The following JAKMIP3 variants were observed in gnomAD, a reference collection of about 807,000 sequenced individuals.
The protein encoded by JAKMIP3 is janus kinase and microtubule-interacting protein 3.
In JAKMIP3, 58 loss-of-function variants were observed where a neutral mutation model predicts 118.5. The ratio of observed to expected loss-of-function variants is 0.49; its 90% CI spans 0.40 to 0.61. The LOEUF is 0.61. Ranked by LOEUF, JAKMIP3 falls within the 20% of genes least tolerant of loss-of-function variation. JAKMIP3 has a pLI of 0.00. For synonymous variants in JAKMIP3, 486 were observed against 451.2 expected, an observed-to-expected ratio of 1.08 and a Z score of -0.98; for missense variants, 950 against 1,109.0, an observed-to-expected ratio of 0.86 and a Z score of 2.04.
chr10:132,126,699 G>C (rs112186110), intron 3 of JAKMIP3, among the ~76,000 whole-genome samples: 2,853 of 152,192 alleles, frequency 0.019, 74 homozygotes, highest in African/African-American at 0.064. Context: ...TTTCATGAAT[G>C]GTTATGGAAT....
At chr10:132,130,429 G>A (rs1187562757) in intron 3 of JAKMIP3, among the ~76,000 whole-genome samples, 1 of 152,234 alleles carries the variant, frequency 6.6e-6, no homozygotes, top group Non-Finnish European at 1.5e-5. Context: ...GCATTCGTGT[G>A]CTCACGTCAC....
rs553935481 is a variant in JAKMIP3 at position 132,138,195 on chromosome 10, C to T, written c.1344+17C>T. 37 of 1,601,478 alleles carry T rather than the reference C, an allele frequency of 2.3e-5. No homozygotes were observed. In the South Asian group the frequency reaches 3.2e-4, roughly 14 times the overall value. ...CTTCCCAAGGTAAGGAACAGCACAC[C>T]GGCACGTGCGGAGAGTACGCCGGGT... On this transcript the variant is annotated intron_variant, in intron 9 of 23. Coordinates refer to ENST00000684848, the MANE Select transcript of JAKMIP3 (RefSeq NM_001323087.2).
At chr10:132,142,073 T>C in intron 11 of JAKMIP3, 25 bp downstream of exon 11, 1 of 1,243,322 alleles carries the variant, frequency 8.0e-7, no homozygotes, top group South Asian at 1.6e-5. Context: ...CACCGCGCGT[T>C]CCGGCCCCCC....
At chr10:132,048,371 C>T (rs2037990715) in intron 1 of JAKMIP3, among the ~76,000 whole-genome samples, 1 of 152,022 alleles carries the variant, frequency 6.6e-6, no homozygotes, top group Non-Finnish European at 1.5e-5. Context: ...ACTGGCCTGT[C>T]GTGCTTTTCC....
intron 9 of JAKMIP3, among the ~76,000 whole-genome samples, chr10:132,139,196 A>G (rs558189669): frequency 0.015 from 987 of 65,496 alleles, 30 homozygotes; most frequent in African/African-American, 0.083. Flanking sequence ...ATGTGTGTGT[A>G]TGAGTGTGTG....
chr10:132,053,120 C>T (rs1357800419), intron 1 of JAKMIP3, among the ~76,000 whole-genome samples: 2 of 152,182 alleles, frequency 1.3e-5, no homozygotes, highest in African/African-American at 4.8e-5. Flanking sequence ...GTCACAGTTG[C>T]TCCTGCCAGG....
chr10:132,121,817 C>T (rs1302946668), intron 3 of JAKMIP3, among the ~76,000 whole-genome samples: 4 of 152,266 alleles, frequency 2.6e-5, no homozygotes, highest in South Asian at 4.1e-4. Context: ...TCTCTGAGGG[C>T]GCTGCTTCTA....
intron 3 of JAKMIP3, among the ~76,000 whole-genome samples, chr10:132,121,511 C>T (rs368261678): frequency 9.2e-5 from 14 of 152,152 alleles, no homozygotes; most frequent in East Asian, 7.7e-4. Flanking sequence ...GAGGACGTAG[C>T]GGGTCAGGGA....
chr10:132,067,460 G>A (rs1448183228), intron 1 of JAKMIP3, among the ~76,000 whole-genome samples: 1 of 152,220 alleles, frequency 6.6e-6, no homozygotes, highest in Non-Finnish European at 1.5e-5. Context: ...ATATCCAAAC[G>A]ACCAGGTGGT....
chr10:132,045,391 G>A (rs933327149), intron 1 of JAKMIP3, among the ~76,000 whole-genome samples: 1 of 152,122 alleles, frequency 6.6e-6, no homozygotes, highest in Non-Finnish European at 1.5e-5. Context: ...CTAGGAGAGG[G>A]TCCGAGGCTG....
chr10:132,117,100 G>C lies in JAKMIP3; in HGVS notation c.159G>C (p.Lys53Asn). The C allele has an allele frequency of 6.2e-7, 1 of 1,609,740 alleles. No individual in the cohort carries two copies. Among genetic ancestry groups the C allele is most frequent in the Admixed American group, 1.7e-5 (1 of 59,956 alleles). The change falls in exon 3 of 24, where the codon AAG (lysine) becomes AAC (asparagine). Residue 53 changes from lysine to asparagine, a missense_variant. Lys to Asn is a moderately conservative substitution (Grantham distance 94). Coordinates refer to ENST00000684848, the MANE Select transcript of JAKMIP3 (RefSeq NM_001323087.2). The surrounding 1 kb of genome is among the most constrained non-coding windows in gnomAD (Gnocchi z 8.6). ...KSKVSKVERE[K>N]NQELRQVREH... ...AGGTCAGCAAAGTGGAACGCGAGAA[G>C]AACCAGGAGCTGCGGCAGGTGCGCG...
intron 23 of JAKMIP3, among the ~76,000 whole-genome samples, chr10:132,174,416 C>T (rs565063880): frequency 2.5e-4 from 37 of 148,644 alleles, no homozygotes; most frequent in Non-Finnish European, 5.0e-4. Flanking sequence ...CCGTGGCCTC[C>T]GTGGGCTCAG....
rs1387254181 is a variant in JAKMIP3 at position 132,179,205 on chromosome 10, T to C, written c.*1104-3152T>C. Among the ~76,000 whole-genome samples, 1 of 152,100 alleles carries C rather than the reference T, an allele frequency of 6.6e-6. No individual in the cohort carries two copies. Among genetic ancestry groups the C allele is most frequent in the East Asian group, 1.9e-4 (1 of 5,174 alleles). Reference sequence around the variant, plus strand: ...ATCCTCGTTGCAGCCCAAGATAAAATTACCCAGGCTTTCCCCTCCAGCGTG... The same window carrying C: ...ATCCTCGTTGCAGCCCAAGATAAAACTACCCAGGCTTTCCCCTCCAGCGTG... On this transcript the variant is annotated intron_variant, in intron 23 of 23. Transcript: ENST00000684848. This position sits in a 1 kb window ranked among gnomAD's most constrained non-coding sequence, Gnocchi z 4.3.
At chr10:132,132,456 G>A (rs1002808000) in intron 3 of JAKMIP3, among the ~76,000 whole-genome samples, 6 of 152,172 alleles carry the variant, frequency 3.9e-5, no homozygotes, top group East Asian at 1.9e-4. Flanking sequence ...ATTCCTGCCC[G>A]GAAGCGGGGC....
At chr10:132,037,943 G>A (rs2037568627) in intron 1 of JAKMIP3, among the ~76,000 whole-genome samples, 1 of 152,262 alleles carries the variant, frequency 6.6e-6, no homozygotes, top group African/African-American at 2.4e-5. Flanking sequence ...CACAAATCTG[G>A]AAGAAGCCGG....
intron 11 of JAKMIP3, among the ~76,000 whole-genome samples, chr10:132,143,256 A>G (rs892107833): frequency 6.6e-6 from 1 of 152,056 alleles, no homozygotes; most frequent in African/African-American, 2.4e-5. Context: ...TAATTTTTGC[A>G]TGACCCTTGG....
Position 132,072,662 on chromosome 10 carries a change from G to A in JAKMIP3, c.-138+6601G>A, listed in dbSNP as rs373061689. On this transcript the variant is annotated intron_variant, in intron 1 of 23. Coordinates refer to ENST00000684848, the MANE Select transcript of JAKMIP3 (RefSeq NM_001323087.2). ...TCTAGCTTTCTGCTATTTATTTTCT[G>A]TTAATATTATCTCTTCTTGCCTTCT... Among the ~76,000 whole-genome samples the A allele has an allele frequency of 7.4e-4, 112 of 152,174 alleles. 1 individual carries two copies. The highest frequency in any genetic ancestry group is 2.6e-3 in the African/African-American group (106 of 41,506).
At chr10:132,111,698 GC>G (rs1223962363) in intron 2 of JAKMIP3, among the ~76,000 whole-genome samples, 4 of 152,194 alleles carry the variant, frequency 2.6e-5, no homozygotes, top group Non-Finnish European at 5.9e-5. Context: ...CTTGGGCCAT[GC>G]TCCAGGCACA....
rs1277104511 is a variant in JAKMIP3, at chr10:132,166,967, C to T, written c.2491-16C>T. 2 of 1,515,786 alleles carry T rather than the reference C, an allele frequency of 1.3e-6. No individual in the cohort carries two copies. Among genetic ancestry groups the T allele is most frequent in the African/African-American group, 1.4e-5 (1 of 72,272 alleles). 93.9% of individuals were successfully genotyped at this position (1,515,786 alleles called of 1,614,324 possible). ...TTCTTTCCTTCCGTTTCTCCATCCT[C>T]CCCTTTCCGTTTCAGTTTCTATTTT... On this transcript the variant is annotated splice_polypyrimidine_tract_variant and intron_variant, in intron 21 of 23. Coordinates refer to ENST00000684848, the MANE Select transcript of JAKMIP3 (RefSeq NM_001323087.2).
Sources: gnomAD v4.1 joint callset for allele counts (sites outside exome capture counted in the v4.1 genomes callset) on GRCh38, gnomAD v4.1.1 for gene constraint, Gnocchi (gnomAD v3.1) non-coding constraint, MANE v1.5 for transcripts, NCBI Gene and HGNC (gene_info 2026-07-23, HGNC 2026-07-21) for gene names.